GNAL: variants seen among roughly 807,000 people sequenced by gnomAD.
The protein encoded by GNAL is G protein subunit alpha L.
A neutral mutation model predicts 55.1 loss-of-function variants in GNAL; 18 were observed. That is an observed-to-expected ratio of 0.33 (90% CI 0.23 to 0.48). The LOEUF is 0.48. Ranked by LOEUF, GNAL falls within the 20% of genes least tolerant of loss-of-function variation. The pLI, the probability that GNAL is intolerant of heterozygous loss-of-function variation, is 0.99. For synonymous variants in GNAL, 253 were observed against 237.0 expected (o/e 1.07, Z -0.62); for missense variants, 412 against 614.1 (o/e 0.67, Z 3.48).
In GNAL at chr18:11,699,137, G is replaced by C. The variant is rs148467330; in HGVS notation, c.376+9198G>C. ...AGCCCTAGATGATTATTTCTCACCT[G>C]ACAGCACCCAGGATAATTTACTTTG... On this transcript the variant is annotated intron_variant, in intron 1 of 11. Transcript: ENST00000334049. 5.9e-3 allele frequency among the ~76,000 whole-genome samples: 897 copies of C among 152,140 alleles called. 11 individuals are homozygous for C. The highest frequency in any genetic ancestry group is 0.021 in the African/African-American group (855 of 41,518).
chr18:11,725,050 C>T (rs2032182916), intron 1 of GNAL, among the ~76,000 whole-genome samples: 1 of 152,158 alleles, frequency 6.6e-6, no homozygotes, highest in South Asian at 2.1e-4. Flanking sequence ...TGTTGCAGAG[C>T]CTTCCCTTGT....
At chr18:11,866,888 C>A (rs1170629038) in intron 7 of GNAL, among the ~76,000 whole-genome samples, 2 of 139,722 alleles carry the variant, frequency 1.4e-5, no homozygotes. Flanking sequence ...TATTAAGGAC[C>A]TACTGTGGGA....
At chr18:11,719,109 C>T (rs2032037303) in intron 1 of GNAL, among the ~76,000 whole-genome samples, 1 of 151,920 alleles carries the variant, frequency 6.6e-6, no homozygotes, top group Admixed American at 6.6e-5. Flanking sequence ...GTATTGAGGA[C>T]CTCATATGTG....
rs2037008284 is a variant in GNAL at position 11,885,199 on chromosome 18, A to G, written c.*4064A>G. ...AAGTAAAAGAACCTGTCGTACCAGC[A>G]TCATGAGCTGGATGCAGGAGCCCAT... On this transcript the variant is annotated 3_prime_UTR_variant, in exon 12 of 12. Transcript: ENST00000334049. 2.2e-6 allele frequency: 1 copy of G among 452,938 alleles called. No homozygotes were observed. Among genetic ancestry groups the G allele is most frequent in the South Asian group, 2.6e-5 (1 of 37,758 alleles). 28.1% of individuals were successfully genotyped at this position (452,938 alleles called of 1,614,324 possible).
intron 1 of GNAL, chr18:11,747,643 T>G (rs2032719073): frequency 1.4e-5 from 2 of 146,458 alleles, no homozygotes; most frequent in Admixed American, 6.9e-5. Flanking sequence ...GTACTGGGGA[T>G]GGATAGGGGG....
chr18:11,716,311 CAG>C (rs2031964142), intron 1 of GNAL, among the ~76,000 whole-genome samples: 1 of 151,130 alleles, frequency 6.6e-6, no homozygotes, highest in African/African-American at 2.5e-5. Context: ...CGGATGTGTT[CAG>C]AGTTTCTTCC....
intron 6 of GNAL, among the ~76,000 whole-genome samples, chr18:11,862,717 C>T (rs1300414164): frequency 6.6e-6 from 1 of 152,050 alleles, no homozygotes; most frequent in Non-Finnish European, 1.5e-5. Context: ...CCTTTTCCTC[C>T]TGGAGCTGTC....
chr18:11,715,731 G>A (rs1295990074), intron 1 of GNAL, among the ~76,000 whole-genome samples: 1 of 152,040 alleles, frequency 6.6e-6, no homozygotes, highest in Non-Finnish European at 1.5e-5. Flanking sequence ...AACATATAAG[G>A]CAGTAAAAGG....
At chr18:11,801,956 A>T (rs538587776) in intron 4 of GNAL, among the ~76,000 whole-genome samples, 1 of 152,240 alleles carries the variant, frequency 6.6e-6, no homozygotes, top group South Asian at 2.1e-4. Flanking sequence ...TAATAGCAAT[A>T]ATCAGTATAA....
At chr18:11,732,573 C>G (rs2032363488) in intron 1 of GNAL, among the ~76,000 whole-genome samples, 1 of 152,192 alleles carries the variant, frequency 6.6e-6, no homozygotes. Context: ...TTTAGTCTGT[C>G]CTCACCCATG....
At chr18:11,877,448 C>CT (rs1567906944) in intron 11 of GNAL, among the ~76,000 whole-genome samples, 1 of 151,836 alleles carries the variant, frequency 6.6e-6, no homozygotes, top group Non-Finnish European at 1.5e-5. Context: ...GAGCGAGACT[C>CT]TGTCTCAAAC....
chr18:11,772,715 C>G (rs563708960), intron 4 of GNAL, among the ~76,000 whole-genome samples: 1 of 152,198 alleles, frequency 6.6e-6, no homozygotes, highest in Non-Finnish European at 1.5e-5. Flanking sequence ...GATTCCTCAT[C>G]CAGTTCTCTT....
Position 11,749,134 on chromosome 18 carries a change from A to C in GNAL, c.377-3719A>C, listed in dbSNP as rs1194780619. Among the ~76,000 whole-genome samples, 105 of 151,316 alleles carry C rather than the reference A, an allele frequency of 6.9e-4. 3 individuals are homozygous for C. Among genetic ancestry groups the C allele is most frequent in the African/African-American group, 2.1e-3 (88 of 41,418 alleles). ...GAGCCAGACTCCATCTCAAAAAAAA[A>C]AAAAAAAAAAAAAAAAACCTCACCT... On this transcript the variant is annotated intron_variant, in intron 1 of 11. Coordinates refer to ENST00000334049, the MANE Select transcript of GNAL (RefSeq NM_182978.4).
At chr18:11,880,117 C>G (rs111341194) in intron 11 of GNAL, among the ~76,000 whole-genome samples, 1 of 150,644 alleles carries the variant, frequency 6.6e-6, no homozygotes, top group Non-Finnish European at 1.5e-5. Flanking sequence ...AGTAGCCAGG[C>G]GTGGTGGCGC....
intron 1 of GNAL, among the ~76,000 whole-genome samples, chr18:11,723,391 C>T (rs574954179): frequency 6.6e-6 from 1 of 152,202 alleles, no homozygotes; most frequent in African/African-American, 2.4e-5. Flanking sequence ...TTAGCTCATA[C>T]AAAAACAGGC....
At chr18:11,863,132 G>A (rs779291596) in intron 6 of GNAL, among the ~76,000 whole-genome samples, 6 of 152,120 alleles carry the variant, frequency 3.9e-5, no homozygotes, top group Non-Finnish European at 2.9e-5. Flanking sequence ...ACCTGCCTTG[G>A]CCTCCCAAAA....
intron 4 of GNAL, among the ~76,000 whole-genome samples, chr18:11,790,937 G>A (rs1442320966): frequency 1.3e-5 from 2 of 151,980 alleles, no homozygotes; most frequent in African/African-American, 2.4e-5. Flanking sequence ...GATTACAGGC[G>A]TGAGCCACCG....
In GNAL at chr18:11,850,139, C is replaced by T. The variant is rs181706757; in HGVS notation, c.723-12256C>T. ...GGACCGGGCGTCAGTCACATTCTCC[C>T]CGCTGGCCGAATGACGCAAATAATG... On this transcript the variant is annotated intron_variant, in intron 5 of 11. Transcript: ENST00000334049. 9.2e-5 allele frequency among the ~76,000 whole-genome samples: 14 copies of T among 152,342 alleles called. No individual in the cohort carries two copies. The East Asian group carries it at 2.5e-3, about 27-fold the overall frequency.
At chr18:11,730,488 G>A (rs1470247041) in intron 1 of GNAL, among the ~76,000 whole-genome samples, 6 of 151,284 alleles carry the variant, frequency 4.0e-5, no homozygotes, top group African/African-American at 1.5e-4. Context: ...GACTTGCTGG[G>A]CACAGTGGCT....
Sources: gnomAD v4.1 joint callset for allele counts (sites outside exome capture counted in the v4.1 genomes callset) on GRCh38, gnomAD v4.1.1 for gene constraint, MANE v1.5 for transcripts, NCBI Gene and HGNC (gene_info 2026-07-23, HGNC 2026-07-21) for gene names.